Variants in PPARD observed in about 807,000 individuals in gnomAD.
PPARD encodes the protein peroxisome proliferator-activated receptor delta.
A neutral mutation model predicts 39.5 loss-of-function variants in PPARD; 6 were observed. The ratio of observed to expected loss-of-function variants is 0.15; its 90% CI spans 0.08 to 0.30. PPARD has a LOEUF of 0.30. Ranked by LOEUF, PPARD falls within the 10% of genes least tolerant of loss-of-function variation. PPARD has a pLI of 1.00. For synonymous variants in PPARD, 210 were observed against 231.3 expected (o/e 0.91, Z 0.83); for missense variants, 397 against 596.8 (o/e 0.67, Z 3.49).
intron 4 of PPARD, among the ~76,000 whole-genome samples, chr6:35,420,973 C>T (rs1161871647): frequency 6.6e-6 from 1 of 151,520 alleles, no homozygotes; most frequent in Non-Finnish European, 1.5e-5. Flanking sequence ...ATTACAGGTA[C>T]ATGCCACCAT....
At chr6:35,350,828 T>A (rs1181687999) in intron 2 of PPARD, among the ~76,000 whole-genome samples, 2 of 152,036 alleles carry the variant, frequency 1.3e-5, no homozygotes, top group Non-Finnish European at 2.9e-5. Context: ...GGTTTCACCA[T>A]GTTGGTCAGG....
intron 2 of PPARD, among the ~76,000 whole-genome samples, chr6:35,404,953 T>TTGTGTG (rs59359748): frequency 0.023 from 3,233 of 142,178 alleles, 101 homozygotes; most frequent in African/African-American, 0.07. Context: ...ACTGCAGGCT[T>TTGTGTG]TGTGTGTGTG....
rs1762050664 is a variant in PPARD, at chr6:35,363,890, G to T, written c.-102+16740G>T. Among the ~76,000 whole-genome samples, 1 of 150,774 alleles carries T rather than the reference G, an allele frequency of 6.6e-6. No individual in the cohort carries two copies. Among genetic ancestry groups the T allele is most frequent in the African/African-American group, 2.4e-5 (1 of 41,058 alleles). On this transcript the variant is annotated intron_variant, in intron 2 of 7. Transcript: ENST00000360694. The surrounding 1 kb of genome is among the most constrained non-coding windows in gnomAD (Gnocchi z 4.5). Reference sequence around the variant, plus strand: ...CCACTTTAAAGTGTGTACTTTGATGGTTTTTGTATATTAACTGTGTTTTAT... The same window carrying T: ...CCACTTTAAAGTGTGTACTTTGATGTTTTTTGTATATTAACTGTGTTTTAT...
At chr6:35,418,187 C>T (rs150340779) in intron 3 of PPARD, among the ~76,000 whole-genome samples, 57 of 152,356 alleles carry the variant, frequency 3.7e-4, no homozygotes, top group South Asian at 2.9e-3. Context: ...TGCCCCAACA[C>T]GAGCATATGC....
At chr6:35,411,659 C>T (rs564783996) in intron 3 of PPARD, among the ~76,000 whole-genome samples, 10 of 152,238 alleles carry the variant, frequency 6.6e-5, no homozygotes, top group African/African-American at 1.9e-4. Context: ...AATAATTATA[C>T]ACATCATCAT....
rs1309080104 is a variant in PPARD, at chr6:35,363,938, TTATA to T, written c.-102+16792_-102+16795del. On this transcript the variant is annotated intron_variant, in intron 2 of 7. Transcript: ENST00000360694. The surrounding 1 kb of genome is among the most constrained non-coding windows in gnomAD (Gnocchi z 4.5). ...TATATATTATATTAAATTAATATAT[TTATA>T]TATTATATTAACGGTTTTATATATT... 6.7e-6 allele frequency among the ~76,000 whole-genome samples: 1 copy of T among 149,682 alleles called. No individual in the cohort carries two copies. Among genetic ancestry groups the T allele is most frequent in the African/African-American group, 2.4e-5 (1 of 41,036 alleles).
At chr6:35,351,999 G>A (rs748230199) in intron 2 of PPARD, among the ~76,000 whole-genome samples, 1 of 149,540 alleles carries the variant, frequency 6.7e-6, no homozygotes, top group African/African-American at 2.5e-5. Context: ...CTCCCAAGTA[G>A]CTAAGACTAC....
At chr6:35,380,742 C>T (rs1437850557) in intron 2 of PPARD, among the ~76,000 whole-genome samples, 1 of 152,060 alleles carries the variant, frequency 6.6e-6, no homozygotes, top group Non-Finnish European at 1.5e-5. Context: ...GATCCTCCTG[C>T]CCTGGCCTCC....
chr6:35,372,385 G>A (rs898876852), intron 2 of PPARD, among the ~76,000 whole-genome samples: 2 of 152,132 alleles, frequency 1.3e-5, no homozygotes, highest in East Asian at 1.9e-4. Flanking sequence ...CACCATGTTG[G>A]CCAGGTTAGT....
intron 2 of PPARD, among the ~76,000 whole-genome samples, chr6:35,361,317 A>G (rs1051094428): frequency 2.0e-5 from 3 of 152,232 alleles, no homozygotes; most frequent in East Asian, 1.9e-4. Flanking sequence ...ACCCAGCACC[A>G]TAGGTGGATG....
intron 2 of PPARD, among the ~76,000 whole-genome samples, chr6:35,405,631 GGTT>G (rs990515841): frequency 5.4e-4 from 82 of 151,724 alleles, no homozygotes; most frequent in African/African-American, 1.9e-3. Context: ...GCTGTATTGT[GGTT>G]GTTGTTGTTG....
At chr6:35,358,444 A>G (rs1213377079) in intron 2 of PPARD, among the ~76,000 whole-genome samples, 1 of 152,204 alleles carries the variant, frequency 6.6e-6, no homozygotes, top group African/African-American at 2.4e-5. Context: ...AGTTTGTGGT[A>G]ATGTGGTAAT....
At chr6:35,385,645 TTAAA>T (rs1489317443) in intron 2 of PPARD, among the ~76,000 whole-genome samples, 168 of 94,626 alleles carry the variant, frequency 1.8e-3, no homozygotes, top group African/African-American at 4.7e-3. Flanking sequence ...ATAAATAAAT[TTAAA>T]AAAAAAAAAA....
chr6:35,395,386 C>A (rs1764255427), intron 2 of PPARD, among the ~76,000 whole-genome samples: 1 of 152,206 alleles, frequency 6.6e-6, no homozygotes. Flanking sequence ...CACAGGAAGG[C>A]CTGACTTGAT....
At chr6:35,374,592 A>G (rs1370349127) in intron 2 of PPARD, among the ~76,000 whole-genome samples, 3 of 150,084 alleles carry the variant, frequency 2.0e-5, no homozygotes, top group Non-Finnish European at 4.4e-5. Flanking sequence ...CGGGACACAG[A>G]GCTTGCAGTG....
Position 35,426,223 on chromosome 6 carries a change from C to T in PPARD, c.*144C>T, listed in dbSNP as rs200073887. ...ATCGCCCTCAGACACATGACACCCA[C>T]GGCCTCTGGCTCCCTGTGCCCTCTC... On this transcript the variant is annotated 3_prime_UTR_variant, in exon 8 of 8. Transcript: ENST00000360694. 9.8e-6 allele frequency: 11 copies of T among 1,117,892 alleles called. No individual in the cohort carries two copies. The highest frequency in any genetic ancestry group is 7.8e-5 in the East Asian group (3 of 38,618). The allele number at this position is 1,117,892 out of a possible 1,614,324, so 69.2% of individuals were successfully genotyped here.
In PPARD at chr6:35,401,268, G is replaced by A. The variant is rs78897757; in HGVS notation, c.-101-9719G>A. 4.0e-3 allele frequency among the ~76,000 whole-genome samples: 604 copies of A among 152,194 alleles called. 4 individuals are homozygous for A. The highest frequency in any genetic ancestry group is 0.013 in the African/African-American group (539 of 41,510). ...GGCAGCTGCTTCCCAGACCTTGCAGGGCTCCAGGTGGCCTTCCCCTCCTGC... is the reference window on the plus strand; with the variant it reads ...GGCAGCTGCTTCCCAGACCTTGCAGAGCTCCAGGTGGCCTTCCCCTCCTGC... On this transcript the variant is annotated intron_variant, in intron 2 of 7. Transcript: ENST00000360694. The surrounding 1 kb of genome is among the most constrained non-coding windows in gnomAD (Gnocchi z 4.1).
rs1250942236 is a variant in PPARD at position 35,391,093 on chromosome 6, A to G, written c.-101-19894A>G. On this transcript the variant is annotated intron_variant, in intron 2 of 7. Coordinates refer to ENST00000360694, the MANE Select transcript of PPARD (RefSeq NM_006238.5). ...TGTTATTATGGACAAATATATTGTGATATATGATTGTATATATTTCATTAG... is the reference window on the plus strand; with the variant it reads ...TGTTATTATGGACAAATATATTGTGGTATATGATTGTATATATTTCATTAG... Among the ~76,000 whole-genome samples the G allele has an allele frequency of 4.6e-5, 7 of 152,220 alleles. No individual in the cohort carries two copies. In the East Asian group the frequency reaches 1.3e-3, roughly 29 times the overall value.
intron 2 of PPARD, among the ~76,000 whole-genome samples, chr6:35,369,830 C>T (rs754017053): frequency 6.6e-6 from 1 of 152,138 alleles, no homozygotes; most frequent in Non-Finnish European, 1.5e-5. Context: ...GTTAATTGTC[C>T]GAATCTGTGA....
Sources: gnomAD v4.1 joint callset for allele counts (sites outside exome capture counted in the v4.1 genomes callset) on GRCh38, gnomAD v4.1.1 for gene constraint, Gnocchi (gnomAD v3.1) non-coding constraint, MANE v1.5 for transcripts, NCBI Gene and HGNC (gene_info 2026-07-23, HGNC 2026-07-21) for gene names.